LPIN1: variants seen among roughly 807,000 people sequenced by gnomAD.
The protein encoded by LPIN1 is lipin 1.
LPIN1 carries 71 observed loss-of-function variants against 107.5 expected under a neutral mutation model. That is an observed-to-expected ratio of 0.66 (90% CI 0.55 to 0.80). LPIN1 has a LOEUF of 0.80. Among genes scored for constraint, LPIN1 ranks in the 30% least tolerant of loss-of-function variants. The pLI, the probability that LPIN1 is intolerant of heterozygous loss-of-function variation, is 0.00. For missense variants in LPIN1, 1,043 were observed against 1,160.6 expected (o/e 0.90, Z 1.47); for synonymous variants, 445 against 452.6 (o/e 0.98, Z 0.21).
At chr2:11,810,432 A>G (rs550747289) in intron 17 of LPIN1, among the ~76,000 whole-genome samples, 2 of 152,238 alleles carry the variant, frequency 1.3e-5, no homozygotes, top group South Asian at 4.1e-4. Context: ...GCTCACTGAA[A>G]GGGAGACTCC....
chr2:11,684,227 G>C (rs774932285), intron 1 of LPIN1, among the ~76,000 whole-genome samples: 3 of 152,218 alleles, frequency 2.0e-5, no homozygotes, highest in South Asian at 2.1e-4. Context: ...GTGTCTGCTA[G>C]AGCAAGGGCC....
Position 11,747,071 on chromosome 2 carries a change from G to C in LPIN1, c.-10+400G>C, listed in dbSNP as rs182977226. Among the ~76,000 whole-genome samples, 7 of 152,356 alleles carry C rather than the reference G, an allele frequency of 4.6e-5. No individual in the cohort carries two copies. The East Asian group carries it at 1.4e-3, about 29-fold the overall frequency. On this transcript the variant is annotated intron_variant, in intron 1 of 20. Transcript: ENST00000674199. Reference sequence around the variant, plus strand: ...TCCTGGCTCTGCGCGATCATCCCCAGCTTTGCGCCGGGGACTGGGATGAGA... The same window carrying C: ...TCCTGGCTCTGCGCGATCATCCCCACCTTTGCGCCGGGGACTGGGATGAGA...
chr2:11,795,914 C>T (rs370914018), intron 14 of LPIN1, among the ~76,000 whole-genome samples: 104 of 152,138 alleles, frequency 6.8e-4, no homozygotes, highest in Middle Eastern at 3.4e-3. Context: ...CCAGGACTTA[C>T]GTTGATACTT....
intron 1 of LPIN1, among the ~76,000 whole-genome samples, chr2:11,681,872 C>G (rs1381881905): frequency 1.3e-5 from 2 of 152,220 alleles, no homozygotes; most frequent in Non-Finnish European, 2.9e-5. Flanking sequence ...GGGCGACGTC[C>G]TCTCCTCTGG....
intron 2 of LPIN1, among the ~76,000 whole-genome samples, chr2:11,714,353 C>T (rs1317805064): frequency 6.6e-6 from 1 of 152,212 alleles, no homozygotes; most frequent in East Asian, 1.9e-4. Context: ...TCATGCTTTG[C>T]TCTCTGTCTG....
chr2:11,777,727 G>A (rs1362492064), intron 6 of LPIN1, among the ~76,000 whole-genome samples: 1 of 152,234 alleles, frequency 6.6e-6, no homozygotes, highest in African/African-American at 2.4e-5. Context: ...GCCGACCCCT[G>A]TTCGGAGCAA....
Position 11,771,573 on chromosome 2 carries a change from C to T in LPIN1, c.490C>T (p.Leu164=), listed in dbSNP as rs1048121099. ...KRRKRRRKSQ[L]DSLKRDDNMN... ...AAGAAAAAGGAGGAGAAAGTCACAG[C>T]TGGACAGCCTGAAGAGAGATGACAA... The change falls in exon 4 of 21, where the codon CTG becomes TTG. Residue 164 remains leucine, a synonymous_variant. Transcript: ENST00000674199. This position sits in a 1 kb window ranked among gnomAD's most constrained non-coding sequence, Gnocchi z 4.8. 5.0e-6 allele frequency: 8 copies of T among 1,613,444 alleles called. No individual in the cohort carries two copies. The Admixed American group carries it at 6.7e-5, about 13-fold the overall frequency.
intron 8 of LPIN1, 34 bp from the exon 9 acceptor site, chr2:11,783,795 G>A (rs753836579): frequency 1.3e-6 from 2 of 1,550,894 alleles, no homozygotes. Context: ...TTCTAGAAGA[G>A]TGGTTTTCTG....
At chr2:11,710,971 C>A (rs1663376861) in intron 1 of LPIN1, among the ~76,000 whole-genome samples, 1 of 152,148 alleles carries the variant, frequency 6.6e-6, no homozygotes, top group Admixed American at 6.5e-5. Context: ...TATTTAATCT[C>A]TGAATTCAAA....
intron 12 of LPIN1, among the ~76,000 whole-genome samples, chr2:11,790,070 G>T (rs1481573420): frequency 6.6e-6 from 1 of 151,940 alleles, no homozygotes; most frequent in Non-Finnish European, 1.5e-5. Flanking sequence ...GTGCTTTCTT[G>T]TATATGGGGC....
chr2:11,784,695 T>C, intron 9 of LPIN1, 191 bp from the exon 10 acceptor site: 1 of 662,680 alleles, frequency 1.5e-6, no homozygotes, highest in Non-Finnish European at 2.7e-6. Flanking sequence ...TGAGAAGTAA[T>C]GGTTTTCTCT....
At chr2:11,713,126 AC>A (rs1663514805) in intron 1 of LPIN1, among the ~76,000 whole-genome samples, 1 of 152,162 alleles carries the variant, frequency 6.6e-6, no homozygotes, top group African/African-American at 2.4e-5. Context: ...ATGCAGCCTG[AC>A]CTTCTTATGA....
chr2:11,806,479 C>T (rs1678700503), intron 17 of LPIN1, among the ~76,000 whole-genome samples: 1 of 151,976 alleles, frequency 6.6e-6, no homozygotes, highest in Non-Finnish European at 1.5e-5. Flanking sequence ...GTCGATAGTC[C>T]CAGCTATTTG....
chr2:11,723,593 CT>C (rs1260897636), upstream of LPIN1: 1 of 152,024 alleles, frequency 6.6e-6, no homozygotes, highest in African/African-American at 2.4e-5. Flanking sequence ...GGAGACGGAG[CT>C]TGCAGTGAGC....
At chr2:11,813,037 A>T (rs1558294000) in intron 17 of LPIN1, among the ~76,000 whole-genome samples, 2 of 152,104 alleles carry the variant, frequency 1.3e-5, no homozygotes, top group Non-Finnish European at 2.9e-5. Flanking sequence ...TGCTACTTGC[A>T]GTGCCACTTG....
chr2:11,691,887 T>C (rs2148507929), intron 1 of LPIN1, among the ~76,000 whole-genome samples: 1 of 152,352 alleles, frequency 6.6e-6, no homozygotes, highest in South Asian at 2.1e-4. Flanking sequence ...TATCCAACTA[T>C]CCTTTAGAGC....
At chr2:11,734,951 TGACGA>T (rs1436027504) in intron 1 of LPIN1, among the ~76,000 whole-genome samples, 1 of 152,136 alleles carries the variant, frequency 6.6e-6, no homozygotes, top group Non-Finnish European at 1.5e-5. Flanking sequence ...ACAGCTCCTT[TGACGA>T]GACAGAAGGA....
rs1678040476 is a variant in LPIN1 at position 11,802,997 on chromosome 2, C to G, written c.1977C>G (p.Ser659Arg). 6.2e-6 allele frequency: 10 copies of G among 1,613,054 alleles called. No homozygotes were observed. The highest frequency in any genetic ancestry group is 8.5e-6 in the Non-Finnish European group (10 of 1,180,030). ...AGHLPLLPNVSYKKTLRLTSE... is the reference protein window; with the variant it reads ...AGHLPLLPNVRYKKTLRLTSE... ...ACCTCCCTCTTCTGCCTAATGTCAG[C>G]TACAAGAAGACTCTCCGGCTGACTT... is the stretch of plus-strand genomic sequence containing the variant. Residue 659 changes from serine (S) to arginine (R), a missense_variant, in exon 15 of 21, where the codon AGC (serine) becomes AGG (arginine). Physicochemically the swap from Ser to Arg is moderately radical, Grantham distance 110. Transcript: ENST00000674199.
rs149684218 is a variant in LPIN1 at position 11,805,136 on chromosome 2, G to A, written c.2229G>A (p.Lys743=). Residue 743 remains lysine (K), a synonymous_variant, in exon 17 of 21, where the codon AAG becomes AAA. Coordinates refer to ENST00000674199, the MANE Select transcript of LPIN1 (RefSeq NM_001349206.2). The part of the protein sequence containing the change: ...GKDWTHQGIA[K]LYHKVSQNGY... ...ATTGGACCCATCAGGGCATCGCTAA[G>A]CTGTACCATAAAGTGAGCCAGTGAG... 3.0e-5 allele frequency: 48 copies of A among 1,614,056 alleles called. No homozygotes were observed. The African/African-American group carries it at 5.9e-4, about 20-fold the overall frequency.
Sources: gnomAD v4.1 joint callset for allele counts (sites outside exome capture counted in the v4.1 genomes callset) on GRCh38, gnomAD v4.1.1 for gene constraint, Gnocchi (gnomAD v3.1) non-coding constraint, MANE v1.5 for transcripts, NCBI Gene and HGNC (gene_info 2026-07-23, HGNC 2026-07-21) for gene names.